GAP43: variants seen among roughly 807,000 people sequenced by gnomAD.
The protein encoded by GAP43 is growth associated protein 43.
A neutral mutation model predicts 18.6 loss-of-function variants in GAP43; 6 were observed. The observed-to-expected ratio is 0.32, with a 90% CI of 0.18 to 0.64. GAP43 has a LOEUF of 0.64. Ranked by LOEUF, GAP43 falls within the 30% of genes least tolerant of loss-of-function variation. The pLI, the probability that GAP43 is intolerant of heterozygous loss-of-function variation, is 0.78. For synonymous variants in GAP43, 115 were observed against 111.4 expected (o/e 1.03, Z -0.20); for missense variants, 292 against 295.5 (o/e 0.99, Z 0.09).
At chr3:115,716,403 G>A (rs944147335) in intron 2 of GAP43, among the ~76,000 whole-genome samples, 1 of 152,102 alleles carries the variant, frequency 6.6e-6, no homozygotes, top group African/African-American at 2.4e-5. Flanking sequence ...AGTAGGGCTA[G>A]CTAGAGCAGG....
intron 1 of GAP43, among the ~76,000 whole-genome samples, chr3:115,650,126 G>T (rs1415180392): frequency 6.6e-6 from 1 of 152,124 alleles, no homozygotes; most frequent in African/African-American, 2.4e-5. Context: ...TGAGTGCCTT[G>T]TTGGAGGTGG....
chr3:115,698,925 C>G (rs76128920), intron 2 of GAP43, among the ~76,000 whole-genome samples: 5 of 152,078 alleles, frequency 3.3e-5, no homozygotes, highest in African/African-American at 9.7e-5. Context: ...CCAACCCTTA[C>G]GTATGACAAC....
chr3:115,642,774 C>T (rs1261877916), intron 1 of GAP43, among the ~76,000 whole-genome samples: 3 of 151,952 alleles, frequency 2.0e-5, no homozygotes, highest in Non-Finnish European at 4.4e-5. Context: ...TTAGTTATTA[C>T]TTGTTATTGT....
At chr3:115,712,257 C>T (rs1709450119) in intron 2 of GAP43, among the ~76,000 whole-genome samples, 1 of 152,056 alleles carries the variant, frequency 6.6e-6, no homozygotes, top group Non-Finnish European at 1.5e-5. Flanking sequence ...TTAATAGTCA[C>T]TCATATCTTT....
In GAP43 at chr3:115,666,867, T is replaced by C. The variant is rs143983144; in HGVS notation, c.31-9146T>C. 5.3e-5 allele frequency among the ~76,000 whole-genome samples: 8 copies of C among 152,314 alleles called. No homozygotes were observed. In the East Asian group the frequency reaches 1.5e-3, roughly 29 times the overall value. ...CCTGGTTCCTCATCTGTGTTGATTATAAAACAGGCACAGTGATGTGTTCCT... is the reference window on the plus strand; with the variant it reads ...CCTGGTTCCTCATCTGTGTTGATTACAAAACAGGCACAGTGATGTGTTCCT... On this transcript the variant is annotated intron_variant, in intron 1 of 2. Coordinates refer to ENST00000305124, the MANE Select transcript of GAP43 (RefSeq NM_002045.4).
intron 1 of GAP43, among the ~76,000 whole-genome samples, chr3:115,659,166 C>G (rs1284702915): frequency 1.3e-5 from 2 of 152,062 alleles, no homozygotes; most frequent in Admixed American, 1.3e-4. Context: ...CAAAAGCGGA[C>G]CTTTGGAAAC....
At chr3:115,705,946 T>C (rs1385968413) in intron 2 of GAP43, among the ~76,000 whole-genome samples, 8 of 152,162 alleles carry the variant, frequency 5.3e-5, no homozygotes, top group Admixed American at 5.2e-4. Flanking sequence ...AAAAGAAGTA[T>C]GACGTCTCTT....
chr3:115,712,046 TG>T (rs1362407696), intron 2 of GAP43, among the ~76,000 whole-genome samples: 2 of 152,192 alleles, frequency 1.3e-5, no homozygotes, highest in Non-Finnish European at 2.9e-5. Context: ...TAATTTTTGA[TG>T]ATTTGATAGA....
chr3:115,652,235 A>T (rs1708526764), intron 1 of GAP43, among the ~76,000 whole-genome samples: 1 of 150,860 alleles, frequency 6.6e-6, no homozygotes, highest in African/African-American at 2.4e-5. Flanking sequence ...TATCTTTTGT[A>T]TTATTTATTT....
At chr3:115,661,036 G>A (rs1708651371) in intron 1 of GAP43, 1 of 152,152 alleles carries the variant, frequency 6.6e-6, no homozygotes, top group South Asian at 2.1e-4. Flanking sequence ...TGGAGGGTGT[G>A]ATCCTTTGTA....
intron 1 of GAP43, among the ~76,000 whole-genome samples, chr3:115,643,670 A>C (rs2107471656): frequency 1.3e-5 from 2 of 152,036 alleles, no homozygotes; most frequent in Admixed American, 1.3e-4. Flanking sequence ...GAGTTCTCTC[A>C]TTACCCTATG....
At chr3:115,672,997 C>T (rs971164796) in intron 1 of GAP43, among the ~76,000 whole-genome samples, 1 of 152,068 alleles carries the variant, frequency 6.6e-6, no homozygotes, top group African/African-American at 2.4e-5. Context: ...AGACTGTCTT[C>T]ACCTCTCTCT....
intron 2 of GAP43, among the ~76,000 whole-genome samples, chr3:115,691,348 G>T (rs1021467481): frequency 2.6e-5 from 4 of 152,164 alleles, no homozygotes; most frequent in Non-Finnish European, 5.9e-5. Flanking sequence ...AGCGATCTTG[G>T]AATCGGACCT....
intron 2 of GAP43, among the ~76,000 whole-genome samples, chr3:115,698,117 TATATATTATATATAATATATATA>T (rs1306409160): frequency 6.9e-5 from 1 of 14,526 alleles, no homozygotes; most frequent in African/African-American, 1.2e-4. Flanking sequence ...AAATATATAA[TATATATTATATATAATATATATA>T]ATATATATTA....
intron 2 of GAP43, among the ~76,000 whole-genome samples, chr3:115,696,708 A>G (rs1378639885): frequency 5.3e-5 from 8 of 151,850 alleles, no homozygotes. Context: ...CTCTCCGTTC[A>G]GATATCACCT....
chr3:115,698,470 G>C (rs1478355397), intron 2 of GAP43, among the ~76,000 whole-genome samples: 2 of 149,152 alleles, frequency 1.3e-5, no homozygotes, highest in Non-Finnish European at 3.0e-5. Context: ...TCTAACTGTG[G>C]TTGGTAAGAA....
At position 115,721,334 on chromosome 3, in the gene GAP43, A is replaced by G. The variant is rs1709577831; in HGVS notation, c.*452A>G. The G allele has an allele frequency of 6.6e-6, 1 of 152,232 alleles. No homozygotes were observed. The highest frequency in any genetic ancestry group is 2.1e-4 in the South Asian group (1 of 4,830). 9.4% of individuals were successfully genotyped at this position (152,232 alleles called of 1,614,324 possible). A position where few individuals can be genotyped will look rare whatever the true frequency, so the allele number is the denominator to read the frequency against. ...ATCATTTTTGTTTTCCTCCTTTTCA[A>G]TGTGATGGAATGAACAAAAAGGAAA... On this transcript the variant is annotated 3_prime_UTR_variant, in exon 3 of 3. Coordinates refer to ENST00000305124, the MANE Select transcript of GAP43 (RefSeq NM_002045.4).
rs370422190 is a variant in GAP43 at position 115,629,530 on chromosome 3, G to C, written c.30+5811G>C. Among the ~76,000 whole-genome samples, 3 of 151,508 alleles carry C rather than the reference G, an allele frequency of 2.0e-5. No individual in the cohort carries two copies. The East Asian group carries it at 5.8e-4, about 29-fold the overall frequency. ...AGCCTGAAATATTCCCACTTTCCCT[G>C]CAAGAGTTAGCTCTTTGAAGCCATT... On this transcript the variant is annotated intron_variant, in intron 1 of 2. Transcript: ENST00000305124.
chr3:115,692,144 A>G (rs283380), intron 2 of GAP43, among the ~76,000 whole-genome samples: 20,438 of 152,184 alleles, frequency 0.13, 1,644 homozygotes, highest in African/African-American at 0.21. Context: ...GGACCACTGC[A>G]CAAAAATATT....
Sources: allele counts gnomAD v4.1 joint callset (sites outside exome capture counted in the v4.1 genomes callset), GRCh38; gene constraint gnomAD v4.1.1; transcripts MANE v1.5; gene names NCBI Gene and HGNC (gene_info 2026-07-23, HGNC 2026-07-21).